FABP12: variants seen among roughly 807,000 people sequenced by gnomAD.
FABP12 encodes the protein fatty acid binding protein 12, also known as fatty acid-binding protein 12.
FABP12 carries 19 observed loss-of-function variants against 13.7 expected under a neutral mutation model. The observed-to-expected ratio is 1.39, with a 90% CI of 0.97 to 2.04. The LOEUF (loss-of-function observed/expected upper bound fraction) is 2.04. Among genes scored for constraint, FABP12 ranks in the 30% most tolerant of loss-of-function variants. The probability of loss-of-function intolerance (pLI) is 0.00; values close to 1 mark genes in which losing one functional copy is unlikely to be tolerated. For synonymous variants in FABP12, 61 were observed against 57.0 expected (o/e 1.07, Z -0.32); for missense variants, 182 against 164.2 (o/e 1.11, Z -0.59).
At chr8:81,527,684 G>A (rs1357505770) in intron 3 of FABP12, among the ~76,000 whole-genome samples, 1 of 152,064 alleles carries the variant, frequency 6.6e-6, no homozygotes, top group Non-Finnish European at 1.5e-5. Flanking sequence ...TTTTATCTTT[G>A]ACTGTGTAAG....
chr8:81,558,200 A>G (rs1241661866), intron 1 of FABP12, among the ~76,000 whole-genome samples: 1 of 152,196 alleles, frequency 6.6e-6, no homozygotes, highest in Non-Finnish European at 1.5e-5. Flanking sequence ...GAGTAAACAG[A>G]CAAAAAAGCA....
chr8:81,548,027 A>G (rs481163), intron 1 of FABP12, among the ~76,000 whole-genome samples: 51,183 of 152,082 alleles, frequency 0.34, 10,945 homozygotes, highest in African/African-American at 0.62. Context: ...CCTGGGTACC[A>G]GAGATATACC....
chr8:81,558,679 C>T (rs1809664353), intron 1 of FABP12, among the ~76,000 whole-genome samples: 1 of 152,000 alleles, frequency 6.6e-6, no homozygotes, highest in East Asian at 1.9e-4. Context: ...ATTGTGAGGT[C>T]AGGAGTTCGA....
chr8:81,588,140 C>T (rs187827181), intron 1 of FABP12, among the ~76,000 whole-genome samples: 47 of 152,276 alleles, frequency 3.1e-4, no homozygotes, highest in Middle Eastern at 3.4e-3. Flanking sequence ...AGTCCACTGA[C>T]GCAAATGTTA....
chr8:81,578,769 C>T (rs1240460174), intron 1 of FABP12, among the ~76,000 whole-genome samples: 1 of 150,946 alleles, frequency 6.6e-6, no homozygotes, highest in Non-Finnish European at 1.5e-5. Context: ...CAGGTGTGAG[C>T]CACCGCGCCT....
rs552546263 is a variant in FABP12 at position 81,533,378 on chromosome 8, A to G, written c.-76+424T>C. 3.9e-5 allele frequency: 6 copies of G among 152,352 alleles called. No homozygotes were observed. The East Asian group carries it at 1.2e-3, about 29-fold the overall frequency. 9.4% of individuals were successfully genotyped at this position (152,352 alleles called of 1,614,324 possible). ...ATTTTGCCCACTCCTATAGGTTCAC[A>G]CACATTCCTCTCCACCAAACATTCT... On this transcript the variant is annotated intron_variant, in intron 1 of 4. Transcript: ENST00000360464.
At chr8:81,571,606 C>A (rs868185232) in intron 1 of FABP12, among the ~76,000 whole-genome samples, 1 of 152,174 alleles carries the variant, frequency 6.6e-6, no homozygotes, top group African/African-American at 2.4e-5. Context: ...GACGAAGAAA[C>A]TAAATTTCAT....
intron 1 of FABP12, among the ~76,000 whole-genome samples, chr8:81,566,285 G>C (rs1809817551): frequency 6.6e-6 from 1 of 151,844 alleles, no homozygotes; most frequent in Non-Finnish European, 1.5e-5. Flanking sequence ...CCAAAAAATA[G>C]AGGAGAAGGG....
intron 1 of FABP12, among the ~76,000 whole-genome samples, chr8:81,545,817 CT>C (rs1189311527): frequency 4.6e-5 from 7 of 152,184 alleles, no homozygotes; most frequent in African/African-American, 1.7e-4. Flanking sequence ...TTCAGGGTCA[CT>C]CATTCTCCCC....
At chr8:81,588,352 C>T (rs77883912) in intron 1 of FABP12, among the ~76,000 whole-genome samples, 3,990 of 152,254 alleles carry the variant, frequency 0.026, 87 homozygotes, top group South Asian at 0.087. Context: ...TTATTTCTTT[C>T]TCTTGACAGA....
At chr8:81,573,332 C>T (rs530336618) in intron 1 of FABP12, among the ~76,000 whole-genome samples, 60 of 152,064 alleles carry the variant, frequency 3.9e-4, no homozygotes, top group African/African-American at 1.2e-3. Context: ...ACTAGTACCA[C>T]GCTGTTTTGG....
chr8:81,562,842 G>A (rs1240395218), intron 1 of FABP12, among the ~76,000 whole-genome samples: 1 of 152,192 alleles, frequency 6.6e-6, no homozygotes, highest in Non-Finnish European at 1.5e-5. Flanking sequence ...GGATCCGGGG[G>A]AACTTACTTA....
At chr8:81,533,514 A>T (rs544663472) in intron 1 of FABP12, among the ~76,000 whole-genome samples, 2 of 152,170 alleles carry the variant, frequency 1.3e-5, no homozygotes, top group South Asian at 2.1e-4. Flanking sequence ...TGTCCTCCAC[A>T]TGAAATAGGG....
intron 1 of FABP12, among the ~76,000 whole-genome samples, chr8:81,562,261 G>T (rs1470113777): frequency 6.6e-6 from 1 of 152,194 alleles, no homozygotes; most frequent in East Asian, 1.9e-4. Context: ...TGAATAATCA[G>T]CAGTGGTACC....
chr8:81,562,713 A>G (rs1254817806), intron 1 of FABP12, among the ~76,000 whole-genome samples: 1 of 151,972 alleles, frequency 6.6e-6, no homozygotes, highest in East Asian at 1.9e-4. Flanking sequence ...AAGAGTGAGA[A>G]GAACTTCATC....
chr8:81,531,381 A>T (rs947601103), exon 2 of FABP12: 2 of 1,095,984 alleles, frequency 1.8e-6, no homozygotes, highest in Non-Finnish European at 2.6e-6. Context: ...TCCCTGAAGT[A>T]GTATGGGAAC....
intron 1 of FABP12, among the ~76,000 whole-genome samples, chr8:81,577,194 C>G (rs1022503465): frequency 6.6e-6 from 1 of 152,150 alleles, no homozygotes; most frequent in Non-Finnish European, 1.5e-5. Context: ...TTGCATGCAT[C>G]TTTACAAGTC....
At chr8:81,541,231 C>A (rs576328544) in intron 1 of FABP12, among the ~76,000 whole-genome samples, 1 of 151,698 alleles carries the variant, frequency 6.6e-6, no homozygotes, top group Non-Finnish European at 1.5e-5. Flanking sequence ...CACAGATATG[C>A]AGTATCTGCA....
At chr8:81,560,540 C>A (rs921728063) in intron 1 of FABP12, among the ~76,000 whole-genome samples, 1 of 152,120 alleles carries the variant, frequency 6.6e-6, no homozygotes, top group Admixed American at 6.6e-5. Context: ...CCCCCATCAG[C>A]CAGACAAAAC....
Sources: allele counts gnomAD v4.1 joint callset (sites outside exome capture counted in the v4.1 genomes callset), GRCh38; gene constraint gnomAD v4.1.1; transcripts MANE v1.5; gene names NCBI Gene and HGNC (gene_info 2026-07-23, HGNC 2026-07-21).